DDX60L: variants seen among roughly 807,000 people sequenced by gnomAD.
The protein encoded by DDX60L is probable ATP-dependent RNA helicase DDX60-like.
A neutral mutation model predicts 211.6 loss-of-function variants in DDX60L; 191 were observed. That is an observed-to-expected ratio of 0.90 (90% confidence interval 0.80 to 1.02). DDX60L has a LOEUF of 1.02. Among genes scored for constraint, DDX60L ranks in the 50% least tolerant of loss-of-function variants. DDX60L has a pLI of 0.00. For missense variants in DDX60L, 2,007 were observed against 1,984.1 expected, an observed-to-expected ratio of 1.01 and a Z score of -0.22; for synonymous variants, 706 against 694.1, an observed-to-expected ratio of 1.02 and a Z score of -0.27.
chr4:168,385,503 A>C (rs545039664), intron 29 of DDX60L, among the ~76,000 whole-genome samples: 1 of 152,174 alleles, frequency 6.6e-6, no homozygotes, highest in Admixed American at 6.5e-5. Context: ...AAACTCAAAG[A>C]GGGGGTCATG....
chr4:168,460,346 G>T (rs1757156640), intron 5 of DDX60L, among the ~76,000 whole-genome samples: 1 of 152,188 alleles, frequency 6.6e-6, no homozygotes, highest in African/African-American at 2.4e-5. Flanking sequence ...GTTAAGGAAT[G>T]AAATTATCTC....
intron 25 of DDX60L, among the ~76,000 whole-genome samples, chr4:168,401,180 A>G (rs1746737352): frequency 6.6e-6 from 1 of 152,176 alleles, no homozygotes; most frequent in Non-Finnish European, 1.5e-5. Context: ...TCCAGCATTA[A>G]CACCAATGTA....
At position 168,441,264 on chromosome 4, in the gene DDX60L, G is replaced by T; in HGVS notation, c.1294+73C>A. 4 of 1,368,044 alleles carry T rather than the reference G, an allele frequency of 2.9e-6. No individual in the cohort carries two copies. In the South Asian group the frequency reaches 4.4e-5, roughly 15 times the overall value. 84.7% of individuals were successfully genotyped at this position (1,368,044 alleles called of 1,614,324 possible). A position where few individuals can be genotyped will look rare whatever the true frequency, so the allele number is the denominator to read the frequency against. ...AAAATTATTTACACTTGGAAGAATTGAATTATTAGGGCTTCTAAAAGTTGT... is the reference window on the plus strand; with the variant it reads ...AAAATTATTTACACTTGGAAGAATTTAATTATTAGGGCTTCTAAAAGTTGT... On this transcript the variant is annotated intron_variant, in intron 10 of 37. Coordinates refer to ENST00000682922, the MANE Select transcript of DDX60L (RefSeq NM_001012967.3).
intron 27 of DDX60L, chr4:168,395,754 A>T: frequency 2.1e-6 from 1 of 477,954 alleles, no homozygotes; most frequent in South Asian, 3.5e-5. Context: ...AGAGGCTGAC[A>T]TTCACACTGA....
At chr4:168,425,796 T>C (rs1751363001) in intron 14 of DDX60L, among the ~76,000 whole-genome samples, 1 of 152,096 alleles carries the variant, frequency 6.6e-6, no homozygotes, top group Admixed American at 6.6e-5. Context: ...CACATATCTC[T>C]ACTCAGTTTT....
chr4:168,450,913 A>G (rs1439113154), intron 8 of DDX60L, among the ~76,000 whole-genome samples: 1 of 152,212 alleles, frequency 6.6e-6, no homozygotes, highest in African/African-American at 2.4e-5. Flanking sequence ...TCTCAAAACA[A>G]TAATAATAAT....
intron 17 of DDX60L, among the ~76,000 whole-genome samples, chr4:168,420,835 G>C (rs1475594344): frequency 6.6e-6 from 1 of 152,126 alleles, no homozygotes; most frequent in Non-Finnish European, 1.5e-5. Context: ...GCCTGTGTTT[G>C]TCGGGATCCT....
chr4:168,392,861 G>C (rs989527883), intron 28 of DDX60L, among the ~76,000 whole-genome samples: 3 of 140,036 alleles, frequency 2.1e-5, no homozygotes, highest in Admixed American at 7.0e-5. Flanking sequence ...AAAAAAAAAA[G>C]TGTTCCGTGT....
At chr4:168,432,226 A>T (rs551829053) in intron 12 of DDX60L, among the ~76,000 whole-genome samples, 3 of 147,012 alleles carry the variant, frequency 2.0e-5, no homozygotes, top group East Asian at 2.0e-4. Flanking sequence ...CTCTTCAATT[A>T]ATATATATAT....
At chr4:168,415,944 C>T (rs1207061388) in intron 20 of DDX60L, 145 bp from the exon 21 acceptor site, 1 of 702,800 alleles carries the variant, frequency 1.4e-6, no homozygotes, top group East Asian at 3.0e-5. Flanking sequence ...GACTTCAGAG[C>T]TGTGGACTTT....
chr4:168,380,103 G>T, intron 30 of DDX60L: 2 of 287,622 alleles, frequency 7.0e-6, no homozygotes, highest in Non-Finnish European at 1.3e-5. Context: ...GACCAATAGT[G>T]GCCTGAAAAA....
chr4:168,384,217 C>T (rs1743453942), intron 30 of DDX60L, among the ~76,000 whole-genome samples: 1 of 152,134 alleles, frequency 6.6e-6, no homozygotes. Flanking sequence ...TATATCTATC[C>T]TATTAGTTCT....
At chr4:168,370,125 C>T (rs1424631901) in intron 36 of DDX60L, among the ~76,000 whole-genome samples, 1 of 151,994 alleles carries the variant, frequency 6.6e-6, no homozygotes, top group Non-Finnish European at 1.5e-5. Context: ...CACTCCCATC[C>T]TTATTGCCAC....
intron 22 of DDX60L, among the ~76,000 whole-genome samples, chr4:168,409,909 T>C (rs1160886902): frequency 6.6e-6 from 1 of 152,090 alleles, no homozygotes; most frequent in Admixed American, 6.5e-5. Flanking sequence ...GGAATAATTA[T>C]AGTACATTTA....
At chr4:168,436,435 G>A (rs148338785) in intron 10 of DDX60L, among the ~76,000 whole-genome samples, 32 of 152,254 alleles carry the variant, frequency 2.1e-4, no homozygotes, top group Admixed American at 1.4e-3. Flanking sequence ...GAGGTGTGGC[G>A]GTGGGTCTAC....
chr4:168,419,411 T>G lies in DDX60L; in HGVS notation c.2515-14A>C, dbSNP rs1750107518. On this transcript the variant is annotated splice_polypyrimidine_tract_variant and intron_variant, in intron 18 of 37. Transcript: ENST00000682922. ...TGTAATAAGTACCTACAAATATGAA[T>G]GATTAGTGTAGCTAACTTTATGGAG... 6.4e-7 allele frequency: 1 copy of G among 1,550,560 alleles called. No individual in the cohort carries two copies. Among genetic ancestry groups the G allele is most frequent in the Non-Finnish European group, 8.8e-7 (1 of 1,141,892 alleles).
At chr4:168,391,454 T>C (rs1744801977) in intron 29 of DDX60L, 86 bp downstream of exon 29, 6 of 866,278 alleles carry the variant, frequency 6.9e-6, no homozygotes, top group Non-Finnish European at 1.1e-5. Flanking sequence ...ACACAAACCG[T>C]AGCCTGTTAC....
intron 26 of DDX60L, among the ~76,000 whole-genome samples, chr4:168,396,415 C>G (rs1745802513): frequency 6.6e-6 from 1 of 152,132 alleles, no homozygotes; most frequent in South Asian, 2.1e-4. Context: ...GCTACTGAAT[C>G]TCTTTTGAGC....
At chr4:168,379,933 A>G (rs1304509843) in intron 30 of DDX60L, 103 bp from the exon 31 acceptor site, 1 of 697,252 alleles carries the variant, frequency 1.4e-6, no homozygotes, top group East Asian at 3.0e-5. Flanking sequence ...TAAGGTTACC[A>G]GATCTTACGT....
Sources: gnomAD v4.1 joint callset for allele counts (sites outside exome capture counted in the v4.1 genomes callset) on GRCh38, gnomAD v4.1.1 for gene constraint, MANE v1.5 for transcripts, NCBI Gene and HGNC (gene_info 2026-07-23, HGNC 2026-07-21) for gene names.